RRBP1: variants seen among roughly 807,000 people sequenced by gnomAD.
RRBP1 encodes the protein ribosome-binding protein 1.
Under a neutral mutation model 165.2 loss-of-function variants are expected in RRBP1, and 94 were observed. That is an observed-to-expected ratio of 0.57 (90% CI 0.48 to 0.68). The LOEUF (loss-of-function observed/expected upper bound fraction) is 0.68. RRBP1 is among the 30% of genes least tolerant of loss of function. The pLI is 0.00. For missense variants in RRBP1, 1,676 were observed against 1,763.0 expected (o/e 0.95, Z 0.88); for synonymous variants, 680 against 714.5 (o/e 0.95, Z 0.77).
chr20:17,627,359 C>T lies in RRBP1; in HGVS notation c.2952G>A (p.Gln984=), dbSNP rs1412944963. 4 of 1,613,608 alleles carry T rather than the reference C, an allele frequency of 2.5e-6. No individual in the cohort carries two copies. In the South Asian group the frequency reaches 4.4e-5, roughly 18 times the overall value. The change falls in exon 11 of 25, where the codon CAG becomes CAA. Residue 984 remains glutamine, a synonymous_variant. Transcript: ENST00000377813. ...CTTCCCCAGCTTACCGAGTCTGCTGCTGGTCAGCCTCCGCCTGGCTGGCCT... is the reference window on the plus strand; with the variant it reads ...CTTCCCCAGCTTACCGAGTCTGCTGTTGGTCAGCCTCCGCCTGGCTGGCCT... The part of the protein sequence containing the change: ...DVQASQAEAD[Q]QQTRLKELES...
At chr20:17,668,381 T>C (rs931155428) in intron 2 of RRBP1, among the ~76,000 whole-genome samples, 3 of 152,258 alleles carry the variant, frequency 2.0e-5, no homozygotes, top group African/African-American at 7.2e-5. Context: ...TGTCTTCTTT[T>C]CTACCTCTAA....
chr20:17,675,072 G>A (rs570609857), intron 2 of RRBP1, among the ~76,000 whole-genome samples: 1 of 152,240 alleles, frequency 6.6e-6, no homozygotes, highest in Non-Finnish European at 1.5e-5. Flanking sequence ...AATCTAACCA[G>A]GCTGGAGACT....
At position 17,621,703 on chromosome 20, in the gene RRBP1, G is replaced by C. The variant is rs201544272; in HGVS notation, c.3311C>G (p.Ala1104Gly). The C allele has an allele frequency of 6.2e-7, 1 of 1,613,500 alleles. No homozygotes were observed. The highest frequency in any genetic ancestry group is 8.5e-7 in the Non-Finnish European group (1 of 1,179,920). ...AGCCACACTTACCGAGGAGGGCTCC[G>C]CGGGAGCTGGCGGGTGCTTCAGCAG... ...PTLLKHPPAP[A>G]EPSSDLASKL... The change falls in exon 15 of 25, where the codon GCG becomes GGG. Residue 1104 changes from alanine (A) to glycine (G), a missense_variant. Ala to Gly is a moderately conservative substitution (Grantham distance 60). This residue lies in a region of RRBP1 where 1,184 missense variants were observed against 1,167.1 expected (regional missense o/e 1.01). Coordinates refer to ENST00000377813, the MANE Select transcript of RRBP1 (RefSeq NM_001365613.2).
In RRBP1 at chr20:17,621,748, A is replaced by C. The variant is rs950644860; in HGVS notation, c.3266T>G (p.Leu1089Arg). 1.2e-6 allele frequency: 2 copies of C among 1,613,840 alleles called. No individual in the cohort carries two copies. Among genetic ancestry groups the C allele is most frequent in the Non-Finnish European group, 1.7e-6 (2 of 1,180,012 alleles). Reference protein sequence around the residue: ...QQNYTEWLQDLKEKGPTLLKH... With the variant: ...QQNYTEWLQDRKEKGPTLLKH... Reference sequence around the variant, plus strand: ...CAGCAGCGTGGGGCCTTTCTCTTTGAGATCCTGCAGCCACTCGGTGTAATT... The same window carrying C: ...CAGCAGCGTGGGGCCTTTCTCTTTGCGATCCTGCAGCCACTCGGTGTAATT... Residue 1089 changes from leucine (L) to arginine (R), a missense_variant, in exon 15 of 25, where the codon CTC becomes CGC. Transcript: ENST00000377813.
intron 3 of RRBP1, among the ~76,000 whole-genome samples, chr20:17,655,457 A>G (rs1181422698): frequency 6.6e-6 from 1 of 152,248 alleles, no homozygotes. Flanking sequence ...TGAGGCATCT[A>G]AAGAATTTGG....
chr20:17,659,916 G>GA lies in RRBP1; in HGVS notation c.591dup (p.Gln198SerfsTer16), dbSNP rs2036727654. On this transcript the variant is annotated frameshift_variant, in exon 3 of 25. Transcript: ENST00000377813. LOFTEE classifies it high-confidence loss of function. ...TGAGTCCCCTCCGCCTTTTTGCCCT[G>GA]AGTAGTGCCAGTGGCTGGTGTGTTG... The GA allele has an allele frequency of 1.3e-6, 2 of 1,566,692 alleles. No individual in the cohort carries two copies. Among genetic ancestry groups the GA allele is most frequent in the African/African-American group, 2.7e-5 (2 of 73,730 alleles).
chr20:17,643,004 C>G lies in RRBP1; in HGVS notation c.2036G>C (p.Gly679Ala), dbSNP rs758783773. 6.2e-7 allele frequency: 1 copy of G among 1,614,030 alleles called. No individual in the cohort carries two copies. Among genetic ancestry groups the G allele is most frequent in the Non-Finnish European group, 8.5e-7 (1 of 1,179,990 alleles). ...RLIEILSEKA[G>A]IIQDTWHKAT... ...CTTGTGCCAGGTGTCCTGAATGATGCCAGCCTTCTCAGACAGGATCTCGAT... is the reference window on the plus strand; with the variant it reads ...CTTGTGCCAGGTGTCCTGAATGATGGCAGCCTTCTCAGACAGGATCTCGAT... The change falls in exon 4 of 25, where the codon GGC becomes GCC. Residue 679 changes from glycine (G) to alanine (A), a missense_variant. Transcript: ENST00000377813. The surrounding 1 kb of genome is among the most constrained non-coding windows in gnomAD (Gnocchi z 4.3).
intron 3 of RRBP1, among the ~76,000 whole-genome samples, chr20:17,656,702 T>TA (rs764201543): frequency 6.6e-6 from 1 of 152,228 alleles, no homozygotes; most frequent in Non-Finnish European, 1.5e-5. Context: ...CAATTATTCT[T>TA]ACCTATTTTT....
rs1414930432 is a variant in RRBP1 at position 17,665,502 on chromosome 20, G to GC, written c.-21-4975dup. 1.1e-4 allele frequency among the ~76,000 whole-genome samples: 16 copies of GC among 152,308 alleles called. No homozygotes were observed. In the East Asian group the frequency reaches 3.1e-3, roughly 29 times the overall value. On this transcript the variant is annotated intron_variant, in intron 2 of 24. Transcript: ENST00000377813. Reference sequence around the variant, plus strand: ...TTCTTGTGCCTCAGGCTCCCGAGTAGCTGGGATTACAGGCGTGTGTCACCA... The same window carrying GC: ...TTCTTGTGCCTCAGGCTCCCGAGTAGCCTGGGATTACAGGCGTGTGTCACCA...
At chr20:17,620,630 C>T (rs1167933835) in intron 17 of RRBP1, 85 bp downstream of exon 17, 1 of 1,059,334 alleles carries the variant, frequency 9.4e-7, no homozygotes, top group Non-Finnish European at 1.4e-6. Context: ...ACACGAGTCT[C>T]ACAGGTGACA....
intron 21 of RRBP1, 67 bp downstream of exon 21, chr20:17,616,665 G>A (rs893650174): frequency 3.1e-5 from 34 of 1,090,620 alleles, no homozygotes; most frequent in South Asian, 1.3e-4. Flanking sequence ...TAGTCCGAAC[G>A]GAGGCAGCAG....
Position 17,621,536 on chromosome 20 carries a change from G to A in RRBP1, c.3336C>T (p.Ser1112=). ...GCGTCTCCTCGGCCTCCCTCAACTT[G>A]GAGGCCAGGTCCTGAGAGAGGGAAG... ...APAEPSSDLA[S]KLREAEETQS... The change falls in exon 16 of 25, where the codon TCC becomes TCT. Residue 1112 remains serine, a synonymous_variant. Transcript: ENST00000377813. 1 of 1,612,644 alleles carries A rather than the reference G, an allele frequency of 6.2e-7. No homozygotes were observed. Among genetic ancestry groups the A allele is most frequent in the Non-Finnish European group, 8.5e-7 (1 of 1,179,762 alleles).
chr20:17,661,581 C>T (rs1040167947), intron 2 of RRBP1, among the ~76,000 whole-genome samples: 1 of 152,174 alleles, frequency 6.6e-6, no homozygotes, highest in African/African-American at 2.4e-5. Context: ...TGAGGAACTC[C>T]AGGAGGTGTA....
intron 3 of RRBP1, among the ~76,000 whole-genome samples, chr20:17,648,423 A>G (rs993410639): frequency 6.6e-6 from 1 of 152,258 alleles, no homozygotes; most frequent in Non-Finnish European, 1.5e-5. Flanking sequence ...GGCCCAGCTC[A>G]GGCCACAGAG....
intron 2 of RRBP1, among the ~76,000 whole-genome samples, chr20:17,674,590 C>T (rs754044361): frequency 6.6e-6 from 1 of 151,750 alleles, no homozygotes; most frequent in East Asian, 1.9e-4. Context: ...GGTGAAACCC[C>T]GTCTCTACTA....
At chr20:17,618,192 G>A (rs1183729394) in intron 20 of RRBP1, among the ~76,000 whole-genome samples, 1 of 152,248 alleles carries the variant, frequency 6.6e-6, no homozygotes, top group African/African-American at 2.4e-5. Flanking sequence ...GACTTGCTGA[G>A]AGCCCCAGGG....
rs775057402 is a variant in RRBP1 at position 17,658,932 on chromosome 20, G to C, written c.1576C>G (p.Gln526Glu). ...QNQGKKTEGA[Q>E]GKKAERSPNQ... ...GGACTCCTTTCTGCCTTTTTGCCCT[G>C]AGCCCCTTCTGTCTTTTTACCCTGA... The change falls in exon 3 of 25, where the codon CAG becomes GAG. Residue 526 changes from glutamine to glutamate, a missense_variant. Around this residue, in one of 5 missense-constraint regions of RRBP1, gnomAD observed 1,184 missense variants for 1,167.1 expected, o/e 1.01. Transcript: ENST00000377813. The C allele has an allele frequency of 1.2e-6, 2 of 1,612,942 alleles. No individual in the cohort carries two copies.
intron 16 of RRBP1, 120 bp downstream of exon 16, chr20:17,621,338 G>A: frequency 1.5e-6 from 1 of 686,150 alleles, no homozygotes; most frequent in East Asian, 2.7e-5. Flanking sequence ...ACGGGGCCCA[G>A]AGTCACAAGG....
At chr20:17,641,203 C>T (rs941443575) in intron 5 of RRBP1, among the ~76,000 whole-genome samples, 22 of 152,222 alleles carry the variant, frequency 1.4e-4, no homozygotes, top group Middle Eastern at 3.2e-3. Flanking sequence ...ACAATCTCAA[C>T]GTGCCATCAG....
Sources: allele counts gnomAD v4.1 joint callset (sites outside exome capture counted in the v4.1 genomes callset), GRCh38; gene constraint gnomAD v4.1.1; regional missense constraint gnomAD v4.1.1; non-coding constraint Gnocchi (gnomAD v3.1); transcripts MANE v1.5; gene names NCBI Gene and HGNC (gene_info 2026-07-23, HGNC 2026-07-21).